The following PVT1 variants were observed in gnomAD, a reference collection of about 807,000 sequenced individuals.
PVT1 encodes the protein CXCR4/PVT1 fusion.
intron 3 of PVT1, among the ~76,000 whole-genome samples, chr8:127,942,255 G>A (rs1472912004): frequency 1.3e-5 from 2 of 152,180 alleles, no homozygotes; most frequent in African/African-American, 4.8e-5. Flanking sequence ...TAGGGTCGTT[G>A]AGCAATGTGG....
At chr8:127,897,731 G>A (rs1421171925) in intron 3 of PVT1, among the ~76,000 whole-genome samples, 1 of 147,620 alleles carries the variant, frequency 6.8e-6, no homozygotes, top group Non-Finnish European at 1.5e-5. Context: ...GAAGAAAGAA[G>A]GAAAGAAAGA....
intron 6 of PVT1, chr8:128,099,750 A>G (rs1041454008): frequency 6.6e-6 from 1 of 152,178 alleles, no homozygotes; most frequent in African/African-American, 2.4e-5. Flanking sequence ...GTACATATAT[A>G]TATTTTTAGG....
At position 127,942,155 on chromosome 8, in the gene PVT1, A is replaced by G. The variant is rs113271192; in HGVS notation, n.783-47007A>G. Among the ~76,000 whole-genome samples the G allele has an allele frequency of 1.2e-4, 18 of 152,280 alleles. 1 individual carries two copies. The highest frequency in any genetic ancestry group is 4.1e-4 in the African/African-American group (17 of 41,570). On this transcript the variant is annotated intron_variant and non_coding_transcript_variant, in intron 3 of 10. Transcript: ENST00000651587. ...ACAAGCCCATGTTTGCCTTGGCCAG[A>G]CACTTTCGCCTGTCAGTTCTGCCAG...
At chr8:127,936,622 C>T (rs73707142) in intron 3 of PVT1, among the ~76,000 whole-genome samples, 5,188 of 152,258 alleles carry the variant, frequency 0.034, 296 homozygotes, top group African/African-American at 0.12. Flanking sequence ...TCCCTCCCGC[C>T]GTGATTGTTC....
chr8:128,048,439 A>G (rs1813646560), intron 4 of PVT1: 1 of 152,158 alleles, frequency 6.6e-6, no homozygotes, highest in Non-Finnish European at 1.5e-5. Flanking sequence ...CTTTCTCATT[A>G]TCCTTTAGGC....
At chr8:128,073,260 T>G (rs562494073) in intron 5 of PVT1, among the ~76,000 whole-genome samples, 33 of 152,314 alleles carry the variant, frequency 2.2e-4, no homozygotes, top group African/African-American at 7.7e-4. Flanking sequence ...CTAGATTTCC[T>G]TGGGAGCACG....
chr8:127,918,630 G>T (rs1312174251), intron 3 of PVT1, among the ~76,000 whole-genome samples: 3 of 152,112 alleles, frequency 2.0e-5, no homozygotes, highest in Admixed American at 1.3e-4. Flanking sequence ...CACATAGTAG[G>T]CCCTCCATAA....
intron 3 of PVT1, among the ~76,000 whole-genome samples, chr8:127,923,299 T>A (rs1444240289): frequency 1.3e-5 from 2 of 152,244 alleles, no homozygotes; most frequent in Non-Finnish European, 2.9e-5. Flanking sequence ...GCCATTCATT[T>A]GTGCTTCACA....
chr8:128,083,839 T>C (rs934350311), intron 5 of PVT1, among the ~76,000 whole-genome samples: 1 of 152,176 alleles, frequency 6.6e-6, no homozygotes, highest in Admixed American at 6.5e-5. Flanking sequence ...TTTTCTACCA[T>C]CCAAGTTGCC....
At chr8:127,841,157 G>T (rs1461268913) in intron 2 of PVT1, among the ~76,000 whole-genome samples, 1 of 152,234 alleles carries the variant, frequency 6.6e-6, no homozygotes, top group Non-Finnish European at 1.5e-5. Flanking sequence ...CTTGGCATGT[G>T]CCTGGCACAT....
At chr8:127,870,542 C>G (rs1362521335) in intron 2 of PVT1, among the ~76,000 whole-genome samples, 1 of 152,122 alleles carries the variant, frequency 6.6e-6, no homozygotes, top group Non-Finnish European at 1.5e-5. Flanking sequence ...GGAAGTGGAG[C>G]GGGAGAATGA....
chr8:128,095,595 G>C (rs1814417142), intron 5 of PVT1, among the ~76,000 whole-genome samples: 1 of 152,148 alleles, frequency 6.6e-6, no homozygotes, highest in Non-Finnish European at 1.5e-5. Context: ...TTTACATATT[G>C]TCTGTGACTG....
chr8:127,973,345 T>C (rs1459630114), intron 3 of PVT1, among the ~76,000 whole-genome samples: 1 of 152,180 alleles, frequency 6.6e-6, no homozygotes, highest in African/African-American at 2.4e-5. Context: ...CCGCGACTAC[T>C]GCCAGGAGCT....
chr8:127,880,890 C>T (rs992149460), intron 2 of PVT1, among the ~76,000 whole-genome samples: 2 of 152,228 alleles, frequency 1.3e-5, no homozygotes, highest in African/African-American at 2.4e-5. Context: ...TGAGCCACTG[C>T]GCTCAGCTTT....
intron 4 of PVT1, among the ~76,000 whole-genome samples, chr8:128,039,815 C>T (rs1038644448): frequency 6.6e-6 from 1 of 152,134 alleles, no homozygotes; most frequent in African/African-American, 2.4e-5. Flanking sequence ...CAGGGTATTG[C>T]AGTAATCCTG....
At chr8:127,812,422 T>A (rs1000657449) in intron 2 of PVT1, among the ~76,000 whole-genome samples, 1 of 151,892 alleles carries the variant, frequency 6.6e-6, no homozygotes, top group Non-Finnish European at 1.5e-5. Context: ...AATTTTTTTT[T>A]AATTAGCCAG....
intron 3 of PVT1, among the ~76,000 whole-genome samples, chr8:127,911,645 C>T (rs1158541892): frequency 7.2e-5 from 11 of 152,362 alleles, no homozygotes; most frequent in African/African-American, 2.6e-4. Flanking sequence ...TTGAGGAAAC[C>T]GTGGCCCAGG....
intron 4 of PVT1, among the ~76,000 whole-genome samples, chr8:128,064,100 G>C (rs1813869203): frequency 6.6e-6 from 1 of 152,182 alleles, no homozygotes; most frequent in African/African-American, 2.4e-5. Context: ...CAAGCATCTG[G>C]GTGACAGCGC....
chr8:127,843,535 C>G (rs1478248390), intron 2 of PVT1, among the ~76,000 whole-genome samples: 1 of 151,036 alleles, frequency 6.6e-6, no homozygotes, highest in Non-Finnish European at 1.5e-5. Context: ...CTCCGCTTCC[C>G]GGGTTCACGC....
Sources: gnomAD v4.1 joint callset for allele counts (sites outside exome capture counted in the v4.1 genomes callset) on GRCh38, gnomAD v4.1.1 for gene constraint, MANE v1.5 for transcripts, NCBI Gene and HGNC (gene_info 2026-07-23, HGNC 2026-07-21) for gene names.